Variants in RGS5 observed in about 807,000 individuals in gnomAD.
RGS5 encodes the protein regulator of G protein signaling 5, also known as regulator of G-protein signalling 5.
Under a neutral mutation model 18.9 loss-of-function variants are expected in RGS5, and 20 were observed. That is an observed-to-expected ratio of 1.06 (90% CI 0.74 to 1.54). RGS5 has a LOEUF of 1.54. Among genes scored for constraint, RGS5 ranks in the 40% most tolerant of loss-of-function variants. The pLI is 0.00. For missense variants in RGS5, 201 were observed against 211.8 expected, an observed-to-expected ratio of 0.95 and a Z score of 0.32; for synonymous variants, 57 against 76.2, an observed-to-expected ratio of 0.75 and a Z score of 1.31.
chr1:163,312,404 G>C (rs1571357778), intron 1 of RGS5, among the ~76,000 whole-genome samples: 1 of 152,274 alleles, frequency 6.6e-6, no homozygotes, highest in South Asian at 2.1e-4. Context: ...ATATGTAATG[G>C]GAGACTAAAT....
chr1:163,299,695 C>T (rs988638367), intron 2 of RGS5, among the ~76,000 whole-genome samples: 3 of 152,148 alleles, frequency 2.0e-5, no homozygotes, highest in Non-Finnish European at 4.4e-5. Context: ...GGAGGGAAAC[C>T]ATCTTTGGGT....
rs189466067 is a variant in RGS5, at chr1:163,275,563, C to A, written c.-281+30670G>T. Among the ~76,000 whole-genome samples the A allele has an allele frequency of 1.2e-4, 18 of 152,266 alleles. No individual in the cohort carries two copies. In the East Asian group the frequency reaches 2.5e-3, roughly 21 times the overall value. ...TACTCTGGTTGAATTACTATGCCAA[C>A]AAAGCTGATATAGTAATTTTCAAGA... On this transcript the variant is annotated intron_variant, in intron 2 of 5. Transcript: ENST00000618415.
chr1:163,196,035 T>C (rs1004262539), intron 1 of RGS5, among the ~76,000 whole-genome samples: 2 of 152,136 alleles, frequency 1.3e-5, no homozygotes, highest in African/African-American at 4.8e-5. Context: ...GACTGTGAGC[T>C]CACATCCTTC....
At chr1:163,153,565 T>G (rs1337772948) in intron 3 of RGS5, among the ~76,000 whole-genome samples, 1 of 152,046 alleles carries the variant, frequency 6.6e-6, no homozygotes, top group Admixed American at 6.6e-5. Context: ...GCTATTATGA[T>G]TCTGTTTCCA....
chr1:163,226,672 A>C (rs1647342901), intron 2 of RGS5, among the ~76,000 whole-genome samples: 2 of 152,236 alleles, frequency 1.3e-5, no homozygotes, highest in African/African-American at 4.8e-5. Context: ...ATGGGTACAA[A>C]GAACTAACTA....
intron 1 of RGS5, among the ~76,000 whole-genome samples, chr1:163,308,322 CAATAAGT>C (rs1453364271): frequency 6.6e-6 from 1 of 151,988 alleles, no homozygotes; most frequent in Non-Finnish European, 1.5e-5. Context: ...TTGTGTGACA[CAATAAGT>C]AATAAGTTCC....
chr1:163,149,109 G>C (rs1657270507), intron 4 of RGS5, among the ~76,000 whole-genome samples: 1 of 152,210 alleles, frequency 6.6e-6, no homozygotes. Flanking sequence ...ATTTTCCAGA[G>C]GTGAAAGGGG....
chr1:163,199,562 T>C (rs1659697981), intron 1 of RGS5, among the ~76,000 whole-genome samples: 1 of 152,130 alleles, frequency 6.6e-6, no homozygotes, highest in Non-Finnish European at 1.5e-5. Context: ...AAAAAACTTC[T>C]CTTTTTGTTG....
chr1:163,216,873 G>A lies in RGS5; in HGVS notation c.69+653C>T, dbSNP rs138270063. On this transcript the variant is annotated intron_variant, in intron 1 of 5. Transcript: ENST00000367903. ...ATAAATTTTGATTCACAGCGACCTC[G>A]CCAACTAAACTTCACAACCCCCAAG... Among the ~76,000 whole-genome samples, 75 of 152,210 alleles carry A rather than the reference G, an allele frequency of 4.9e-4. No individual in the cohort carries two copies. In the East Asian group the frequency reaches 0.011, roughly 23 times the overall value.
intron 2 of RGS5, among the ~76,000 whole-genome samples, chr1:163,223,651 A>G (rs61810856): frequency 0.01 from 1,531 of 152,258 alleles, 11 homozygotes; most frequent in Admixed American, 0.016. Flanking sequence ...TTTTAGCACT[A>G]CTTCCAGCTA....
intron 2 of RGS5, among the ~76,000 whole-genome samples, chr1:163,289,101 A>C (rs1649215662): frequency 6.6e-6 from 1 of 152,090 alleles, no homozygotes; most frequent in Non-Finnish European, 1.5e-5. Context: ...TTATATTCTC[A>C]GTTTTGAAAT....
chr1:163,180,726 G>A (rs142199993), intron 1 of RGS5, among the ~76,000 whole-genome samples: 1,251 of 89,718 alleles, frequency 0.014, 25 homozygotes, highest in African/African-American at 0.058. Flanking sequence ...ACGGAGTCTC[G>A]CTCTGTTGCC....
upstream of RGS5, among the ~76,000 whole-genome samples, chr1:163,219,908 C>G (rs1307702474): frequency 6.6e-6 from 1 of 152,042 alleles, no homozygotes; most frequent in African/African-American, 2.4e-5. Context: ...AACATATGGA[C>G]TCATTTCTGT....
intron 2 of RGS5, among the ~76,000 whole-genome samples, chr1:163,297,019 A>C (rs1164837662): frequency 1.3e-5 from 2 of 152,166 alleles, no homozygotes; most frequent in East Asian, 1.9e-4. Flanking sequence ...AAAATGGAAA[A>C]GGTATTGACT....
chr1:163,276,866 A>G (rs1648870879), intron 2 of RGS5, among the ~76,000 whole-genome samples: 1 of 152,082 alleles, frequency 6.6e-6, no homozygotes, highest in African/African-American at 2.4e-5. Context: ...TTTTGAACCT[A>G]CCCCTCCTCT....
At chr1:163,308,283 C>T (rs1055181449) in intron 1 of RGS5, among the ~76,000 whole-genome samples, 1 of 151,996 alleles carries the variant, frequency 6.6e-6, no homozygotes, top group Admixed American at 6.6e-5. Context: ...TGAAAATAAC[C>T]CCTCCCCATT....
chr1:163,258,144 C>A lies in RGS5; in HGVS notation c.-281+48089G>T, dbSNP rs116332261. Among the ~76,000 whole-genome samples, 1,054 of 152,288 alleles carry A rather than the reference C, an allele frequency of 6.9e-3. 10 individuals carry two copies. The highest frequency in any genetic ancestry group is 0.011 in the Non-Finnish European group (751 of 68,024). On this transcript the variant is annotated intron_variant, in intron 2 of 5. Coordinates refer to the RGS5 transcript ENST00000618415. ...GGTTTCTTCCAATGCCATTTACAAC[C>A]TTTGTGGTTTGAATCTGTTCATAGA...
At chr1:163,274,007 G>A (rs1302740342) in intron 2 of RGS5, among the ~76,000 whole-genome samples, 1 of 152,218 alleles carries the variant, frequency 6.6e-6, no homozygotes, top group Non-Finnish European at 1.5e-5. Context: ...GTCACAGCCA[G>A]TAAGGTGTCT....
upstream of RGS5, among the ~76,000 whole-genome samples, chr1:163,221,172 T>C (rs1044136013): frequency 5.9e-5 from 9 of 152,116 alleles, no homozygotes; most frequent in African/African-American, 2.2e-4. Flanking sequence ...CTTTCCTCAG[T>C]GTAATGTTGT....
Sources: allele counts gnomAD v4.1 joint callset (sites outside exome capture counted in the v4.1 genomes callset), GRCh38; gene constraint gnomAD v4.1.1; transcripts MANE v1.5; gene names NCBI Gene and HGNC (gene_info 2026-07-23, HGNC 2026-07-21).